RHCE: variants seen among roughly 807,000 people sequenced by gnomAD.
RHCE encodes Rh blood group CcEe antigens.
In RHCE, 22 loss-of-function variants were observed where a neutral mutation model predicts 43.8. That is an observed-to-expected ratio of 0.50 (90% CI 0.36 to 0.72). The LOEUF is 0.72. Among genes scored for constraint, RHCE ranks in the 30% least tolerant of loss-of-function variants. The probability of loss-of-function intolerance (pLI) is 0.00; values close to 1 mark genes in which losing one functional copy is unlikely to be tolerated. For synonymous variants in RHCE, 156 were observed against 210.7 expected (o/e 0.74, Z 2.25); for missense variants, 385 against 525.4 (o/e 0.73, Z 2.61).
Position 25,405,308 on chromosome 1 carries a change from T to C in RHCE, c.336-2562A>G, listed in dbSNP as rs142215949. On this transcript the variant is annotated intron_variant, in intron 2 of 9. Coordinates refer to ENST00000294413, the MANE Select transcript of RHCE (RefSeq NM_020485.8). The stretch of plus-strand genomic sequence containing the variant: ...AGTGAGGCTGAGGCTGAGTGAGCCA[T>C]GAACATGCCACTTCACTCCAGCCTG... Among the ~76,000 whole-genome samples the C allele has an allele frequency of 6.6e-3, 1,012 of 152,198 alleles. 13 individuals are homozygous for C. The highest frequency in any genetic ancestry group is 0.022 in the African/African-American group (915 of 41,522).
At chr1:25,373,147 G>A (rs1340366862) in intron 8 of RHCE, among the ~76,000 whole-genome samples, 1 of 151,582 alleles carries the variant, frequency 6.6e-6, no homozygotes, top group African/African-American at 2.4e-5. Flanking sequence ...AAAGAAGAAA[G>A]CTTGTTGGTC....
chr1:25,379,255 G>A (rs1645882277), intron 7 of RHCE, among the ~76,000 whole-genome samples: 1 of 151,038 alleles, frequency 6.6e-6, no homozygotes. Flanking sequence ...CTCATCATAG[G>A]GGCCCCACCC....
In RHCE at chr1:25,370,246, T is replaced by C. The variant is rs564620184; in HGVS notation, c.1227+221A>G. Among the ~76,000 whole-genome samples the C allele has an allele frequency of 2.6e-5, 4 of 151,662 alleles. No homozygotes were observed. The South Asian group carries it at 6.2e-4, about 24-fold the overall frequency. ...GTCTCATCCCTGACTCTGAATGAATTTGAGGTATCAGGGAAATGGTGACCT... is the reference window on the plus strand; with the variant it reads ...GTCTCATCCCTGACTCTGAATGAATCTGAGGTATCAGGGAAATGGTGACCT... On this transcript the variant is annotated intron_variant, in intron 9 of 9. Transcript: ENST00000294413.
chr1:25,381,301 G>T (rs1175498650), intron 7 of RHCE, among the ~76,000 whole-genome samples: 1 of 152,114 alleles, frequency 6.6e-6, no homozygotes, highest in Non-Finnish European at 1.5e-5. Flanking sequence ...GACCTCATCA[G>T]AATGGCCTTC....
chr1:25,402,868 C>A (rs1313609057), intron 2 of RHCE, 122 bp from the exon 3 acceptor site: 69 of 1,414,836 alleles, frequency 4.9e-5, no homozygotes, highest in Non-Finnish European at 1.1e-5. Context: ...AAATAGAAGA[C>A]AAGATTTCTA....
At chr1:25,420,319 AG>A (rs1226555502) in intron 1 of RHCE, among the ~76,000 whole-genome samples, 1 of 152,196 alleles carries the variant, frequency 6.6e-6, no homozygotes. Context: ...CTTGCCACTA[AG>A]GAGAGAGAAG....
intron 2 of RHCE, among the ~76,000 whole-genome samples, chr1:25,426,363 C>G (rs560590239): frequency 5.3e-4 from 80 of 152,286 alleles, no homozygotes; most frequent in African/African-American, 1.9e-3. Context: ...TGGTAACTTG[C>G]TATTTTCATG....
chr1:25,397,097 G>A (rs2124453210), intron 3 of RHCE, among the ~76,000 whole-genome samples: 1 of 112,010 alleles, frequency 8.9e-6, no homozygotes, highest in East Asian at 2.4e-4. Flanking sequence ...GGGTGATGGA[G>A]CAAGACTCTG....
At chr1:25,399,727 T>A (rs1571888628) in intron 3 of RHCE, among the ~76,000 whole-genome samples, 1 of 152,152 alleles carries the variant, frequency 6.6e-6, no homozygotes, top group East Asian at 1.9e-4. Context: ...TGCTGATATC[T>A]CATATTATAA....
intron 5 of RHCE, among the ~76,000 whole-genome samples, chr1:25,390,346 C>G (rs1044277253): frequency 6.6e-6 from 1 of 152,164 alleles, no homozygotes; most frequent in African/African-American, 2.4e-5. Flanking sequence ...GTGTCACATA[C>G]TTCTCTACTT....
At chr1:25,379,327 T>C (rs1163123879) in intron 7 of RHCE, among the ~76,000 whole-genome samples, 3 of 151,256 alleles carry the variant, frequency 2.0e-5, no homozygotes, top group African/African-American at 7.3e-5. Flanking sequence ...CATCAACATA[T>C]GAATTTGGAG....
In RHCE at chr1:25,412,246, G is replaced by A. The variant is rs116206071; in HGVS notation, c.149-3377C>T. Among the ~76,000 whole-genome samples, 1,287 of 152,292 alleles carry A rather than the reference G, an allele frequency of 8.5e-3. 10 individuals carry two copies. Among genetic ancestry groups the A allele is most frequent in the African/African-American group, 0.028 (1,169 of 41,558 alleles). On this transcript the variant is annotated intron_variant, in intron 1 of 9. Transcript: ENST00000294413. ...TCTTTCTTCTCTCACCTCACTAAGC[G>A]ATCTTAGGCAAGTCCATTACCCTCT...
intron 9 of RHCE, among the ~76,000 whole-genome samples, chr1:25,368,694 TG>T (rs1243549378): frequency 6.7e-6 from 1 of 149,880 alleles, no homozygotes; most frequent in Non-Finnish European, 1.5e-5. Flanking sequence ...AAAGGACTCC[TG>T]AATTAGGCTC....
chr1:25,415,759 A>G (rs564386576), intron 1 of RHCE, among the ~76,000 whole-genome samples: 1 of 151,146 alleles, frequency 6.6e-6, no homozygotes, highest in African/African-American at 2.5e-5. Context: ...TGACAGAAGT[A>G]GAAACAGAGG....
chr1:25,422,305 C>T (rs2042770929), upstream of RHCE, among the ~76,000 whole-genome samples: 1 of 152,096 alleles, frequency 6.6e-6, no homozygotes, highest in African/African-American at 2.4e-5. Context: ...GAGGAAAACG[C>T]TTTTATCAAA....
intron 7 of RHCE, chr1:25,385,407 A>G (rs956160932): frequency 3.2e-5 from 14 of 440,856 alleles, no homozygotes; most frequent in Non-Finnish European, 5.1e-5. Flanking sequence ...GACCTGAACC[A>G]CAGTCTCAAT....
intron 1 of RHCE, among the ~76,000 whole-genome samples, chr1:25,418,527 T>G (rs559238211): frequency 1.2e-4 from 18 of 152,354 alleles, no homozygotes; most frequent in African/African-American, 3.6e-4. Flanking sequence ...GGTCTTGAAC[T>G]CCTAACCTCA....
chr1:25,421,082 C>T (rs2072932), upstream of RHCE: 163,677 of 387,394 alleles, frequency 0.42, 35,791 homozygotes, highest in African/African-American at 0.48. Flanking sequence ...ATTCCTTTGA[C>T]ACCCAAACAT....
At chr1:25,411,457 G>C in intron 1 of RHCE, 1 of 1,549,448 alleles carries the variant, frequency 6.5e-7, no homozygotes, top group Non-Finnish European at 8.7e-7. Flanking sequence ...CACTTCCATT[G>C]AAACGTACAC....
Sources: gnomAD v4.1 joint callset for allele counts (sites outside exome capture counted in the v4.1 genomes callset) on GRCh38, gnomAD v4.1.1 for gene constraint, MANE v1.5 for transcripts, NCBI Gene and HGNC (gene_info 2026-07-23, HGNC 2026-07-21) for gene names.